The following DMD variants were observed in gnomAD, a reference collection of about 807,000 sequenced individuals.
DMD encodes the protein dystrophin.
A neutral mutation model predicts 330.1 loss-of-function variants in DMD; 63 were observed. That is an observed-to-expected ratio of 0.19 (90% confidence interval 0.16 to 0.24). The LOEUF (loss-of-function observed/expected upper bound fraction) is 0.24. Among genes scored for constraint, DMD ranks in the 10% least tolerant of loss-of-function variants. The probability of loss-of-function intolerance (pLI) is 1.00; values close to 1 mark genes in which losing one functional copy is unlikely to be tolerated. For missense variants in DMD, 3,344 were observed against 2,684.1 expected, an observed-to-expected ratio of 1.25 and a Z score of -5.43; for synonymous variants, 1,223 against 959.8, an observed-to-expected ratio of 1.27 and a Z score of -5.07.
chrX:33,012,137 A>G (rs73621859), intron 2 of DMD, among the ~76,000 whole-genome samples: 1 of 111,939 alleles, frequency 8.9e-6, no homozygotes, highest in African/African-American at 3.2e-5. Flanking sequence ...CTTTGAAAAC[A>G]GTGAGACCTA....
intron 43 of DMD, among the ~76,000 whole-genome samples, chrX:32,237,497 C>T (rs1435412910): frequency 9.0e-6 from 1 of 111,006 alleles, no homozygotes; most frequent in African/African-American, 3.3e-5. Context: ...ATCTTCCTCC[C>T]ACGTTGGGTT....
intron 60 of DMD, among the ~76,000 whole-genome samples, chrX:31,379,227 A>T (rs1194953590): frequency 9.1e-6 from 1 of 109,404 alleles, no homozygotes; most frequent in Non-Finnish European, 1.9e-5. Flanking sequence ...CCACCCTATA[A>T]TCCTTTTATC....
At chrX:31,333,521 T>C (rs2057256650) in intron 61 of DMD, among the ~76,000 whole-genome samples, 3 of 105,216 alleles carry the variant, frequency 2.9e-5, no homozygotes, top group Admixed American at 1.1e-4. Flanking sequence ...CTTCCTCTAA[T>C]AGATGTATCT....
At chrX:33,056,796 T>A (rs57496650) in intron 1 of DMD, among the ~76,000 whole-genome samples, 11,537 of 111,642 alleles carry the variant, frequency 0.1, 1,442 homozygotes, top group African/African-American at 0.36. Flanking sequence ...TTATATACCA[T>A]AATATCCCTT....
intron 33 of DMD, among the ~76,000 whole-genome samples, chrX:32,383,637 G>C (rs951872926): frequency 9.1e-6 from 1 of 110,310 alleles, no homozygotes; most frequent in African/African-American, 3.3e-5. Flanking sequence ...TGTATTCTGT[G>C]ATACTATTAA....
chrX:32,830,106 G>A (rs1185724449), intron 4 of DMD, among the ~76,000 whole-genome samples: 1 of 111,408 alleles, frequency 9.0e-6, no homozygotes, highest in Non-Finnish European at 1.9e-5. Context: ...TATTGTTCAT[G>A]GCATTTATAT....
intron 61 of DMD, among the ~76,000 whole-genome samples, chrX:31,344,903 G>A (rs754319238): frequency 1.2e-4 from 13 of 110,632 alleles, no homozygotes; most frequent in Non-Finnish European, 2.3e-4. Flanking sequence ...AATACAGAAA[G>A]TATATAAACC....
chrX:32,590,664 C>T (rs1356227581), intron 13 of DMD, among the ~76,000 whole-genome samples: 1 of 111,740 alleles, frequency 8.9e-6, no homozygotes, highest in Non-Finnish European at 1.9e-5. Context: ...CATCAGACTC[C>T]AGGACTCCAG....
chrX:32,901,221 A>G (rs2086211784), intron 2 of DMD, among the ~76,000 whole-genome samples: 1 of 112,023 alleles, frequency 8.9e-6, no homozygotes, highest in Non-Finnish European at 1.9e-5. Flanking sequence ...TGTGATAAAC[A>G]GCATTTATAC....
intron 9 of DMD, among the ~76,000 whole-genome samples, chrX:32,682,499 G>A (rs774256993): frequency 1.1e-4 from 12 of 111,445 alleles, no homozygotes; most frequent in Non-Finnish European, 2.1e-4. Flanking sequence ...CTATTAGCGA[G>A]TATTCAAATA....
intron 47 of DMD, among the ~76,000 whole-genome samples, chrX:31,909,134 T>C (rs1000940600): frequency 3.6e-5 from 4 of 112,497 alleles, no homozygotes; most frequent in Non-Finnish European, 7.5e-5. Flanking sequence ...TATCTTTTCC[T>C]AATTCATCTA....
intron 11 of DMD, among the ~76,000 whole-genome samples, chrX:32,620,979 C>T (rs749884902): frequency 1.4e-4 from 15 of 111,084 alleles, no homozygotes; most frequent in African/African-American, 3.6e-4. Context: ...CTGGATACTA[C>T]GGATGGAGAG....
At chrX:32,681,729 C>A (rs1449215686) in intron 9 of DMD, among the ~76,000 whole-genome samples, 1 of 111,777 alleles carries the variant, frequency 8.9e-6, no homozygotes, top group Non-Finnish European at 1.9e-5. Context: ...AGTCCTTTTC[C>A]TCTTGGAGTT....
At chrX:32,353,043 C>G (rs979217457) in intron 37 of DMD, among the ~76,000 whole-genome samples, 6 of 110,417 alleles carry the variant, frequency 5.4e-5, no homozygotes, top group African/African-American at 2.0e-4. Context: ...TTAGAACTAC[C>G]TATATATTAA....
intron 50 of DMD, among the ~76,000 whole-genome samples, chrX:31,778,670 A>C (rs918884725): frequency 9.8e-6 from 1 of 101,847 alleles, no homozygotes; most frequent in Non-Finnish European, 2.0e-5. Flanking sequence ...TCGCGGGTTC[A>C]AGCGATTCCC....
chrX:31,441,219 C>A (rs2064922992), intron 60 of DMD, among the ~76,000 whole-genome samples: 1 of 111,309 alleles, frequency 9.0e-6, no homozygotes, highest in Non-Finnish European at 1.9e-5. Context: ...ATTTTTGAGA[C>A]CGAGTCTGGC....
At chrX:31,861,029 A>G (rs993509141) in intron 48 of DMD, among the ~76,000 whole-genome samples, 1 of 112,103 alleles carries the variant, frequency 8.9e-6, no homozygotes, top group East Asian at 2.8e-4. Flanking sequence ...TGTAGAAAAC[A>G]TTCATTAAAA....
chrX:31,318,716 A>T (rs73466350), intron 62 of DMD, among the ~76,000 whole-genome samples: 2 of 112,237 alleles, frequency 1.8e-5, no homozygotes, highest in South Asian at 3.7e-4. Context: ...ATGTAAAAAA[A>T]GCTGAGCAGT....
chrX:32,585,102 C>G lies in DMD; in HGVS notation c.1602+10655G>C, dbSNP rs768818760. Among the ~76,000 whole-genome samples, 3 of 110,788 alleles carry G rather than the reference C, an allele frequency of 2.7e-5. No homozygotes were observed. The South Asian group carries it at 1.2e-3, about 43-fold the overall frequency. On this transcript the variant is annotated intron_variant, in intron 13 of 78. Transcript: ENST00000357033. ...TAAGCAGGCACAGAAAGACAAATACCACATGTTCTCATTCACATGTGGGAG... is the reference window on the plus strand; with the variant it reads ...TAAGCAGGCACAGAAAGACAAATACGACATGTTCTCATTCACATGTGGGAG...
Sources: allele counts gnomAD v4.1 joint callset (sites outside exome capture counted in the v4.1 genomes callset), GRCh38; gene constraint gnomAD v4.1.1; transcripts MANE v1.5; gene names NCBI Gene and HGNC (gene_info 2026-07-23, HGNC 2026-07-21).